Variants in ADAM12 observed in about 807,000 individuals in gnomAD.
ADAM12 encodes the protein ADAM metallopeptidase domain 12.
A neutral mutation model predicts 106.4 loss-of-function variants in ADAM12; 70 were observed. The observed-to-expected ratio is 0.66, with a 90% CI of 0.54 to 0.80. The LOEUF is 0.80. ADAM12 is among the 30% of genes least tolerant of loss of function. ADAM12 has a pLI of 0.00. For missense variants in ADAM12, 1,010 were observed against 1,171.9 expected, an observed-to-expected ratio of 0.86 and a Z score of 2.02; for synonymous variants, 420 against 433.5, an observed-to-expected ratio of 0.97 and a Z score of 0.39.
chr10:126,039,426 T>TTATC lies in ADAM12; in HGVS notation c.2105-1_2107dup (p.Asn703ArgfsTer2). 1 of 1,614,004 alleles carries TTATC rather than the reference T, an allele frequency of 6.2e-7. No homozygotes were observed. Among genetic ancestry groups the TTATC allele is most frequent in the Non-Finnish European group, 8.5e-7 (1 of 1,179,950 alleles). Reference sequence around the variant, plus strand: ...CAGAATTCCTATGGTTAAACCTTGGTTATCTGAAACAAAACACATGGGGCT... The same window carrying TTATC: ...CAGAATTCCTATGGTTAAACCTTGGTTATCTATCTGAAACAAAACACATGGGGCT... On this transcript the variant is annotated stop_gained and frameshift_variant, in exon 19 of 23. Transcript: ENST00000448723. LOFTEE classifies it high-confidence loss of function.
intron 3 of ADAM12, among the ~76,000 whole-genome samples, chr10:126,176,624 A>T (rs1957224485): frequency 6.6e-6 from 1 of 152,354 alleles, no homozygotes; most frequent in South Asian, 2.1e-4. Flanking sequence ...ACAGAGTAAT[A>T]CAATTCTTTT....
In ADAM12 at chr10:126,165,324, C is replaced by G. The variant is rs115336258; in HGVS notation, c.261-10019G>C. Among the ~76,000 whole-genome samples, 568 of 152,278 alleles carry G rather than the reference C, an allele frequency of 3.7e-3. 4 individuals carry two copies. Among genetic ancestry groups the G allele is most frequent in the African/African-American group, 0.012 (517 of 41,566 alleles). ...CTGGGATTACAGGCACACACCATTA[C>G]GCCTGGTTAATTTTCCGTAGTTTTA... On this transcript the variant is annotated intron_variant, in intron 3 of 22. Coordinates refer to ENST00000448723, the MANE Select transcript of ADAM12 (RefSeq NM_001288973.2).
At chr10:126,131,099 G>GTTTTTT (rs1956295367) in intron 5 of ADAM12, among the ~76,000 whole-genome samples, 1 of 113,352 alleles carries the variant, frequency 8.8e-6, no homozygotes, top group African/African-American at 3.8e-5. Flanking sequence ...GCTCTCAGCT[G>GTTTTTT]TCTTCTTTTT....
chr10:126,206,863 G>GGT (rs1554986907), intron 3 of ADAM12, among the ~76,000 whole-genome samples: 1 of 147,926 alleles, frequency 6.8e-6, no homozygotes. Flanking sequence ...GTGGGGGCGG[G>GGT]GGGGAGCCAG....
At chr10:126,085,219 G>A (rs1307315844) in intron 11 of ADAM12, among the ~76,000 whole-genome samples, 1 of 152,078 alleles carries the variant, frequency 6.6e-6, no homozygotes, top group South Asian at 2.1e-4. Flanking sequence ...GGTTTTCTCT[G>A]CTCTATTTTG....
chr10:126,338,341 C>T (rs1393521561), intron 1 of ADAM12, among the ~76,000 whole-genome samples: 4 of 148,884 alleles, frequency 2.7e-5, no homozygotes, highest in Non-Finnish European at 6.0e-5. Flanking sequence ...CAAGCTCCGC[C>T]TCCCGGGTTC....
chr10:126,189,691 T>C (rs1047181064), intron 3 of ADAM12, among the ~76,000 whole-genome samples: 2 of 152,108 alleles, frequency 1.3e-5, no homozygotes, highest in African/African-American at 4.8e-5. Flanking sequence ...GAGCTGGCAC[T>C]CAGGGGCACC....
At chr10:126,262,852 A>T (rs12768219) in intron 3 of ADAM12, among the ~76,000 whole-genome samples, 74,900 of 152,006 alleles carry the variant, frequency 0.49, 18,658 homozygotes, top group South Asian at 0.63. Flanking sequence ...CCTGCCTCCA[A>T]CCCACAGGTG....
At chr10:126,250,453 A>G (rs1263643034) in intron 3 of ADAM12, among the ~76,000 whole-genome samples, 1 of 152,166 alleles carries the variant, frequency 6.6e-6, no homozygotes, top group African/African-American at 2.4e-5. Context: ...TTAGGCAGGG[A>G]ATATTCTGAC....
At chr10:126,190,360 C>T (rs1486532487) in intron 3 of ADAM12, among the ~76,000 whole-genome samples, 1 of 152,100 alleles carries the variant, frequency 6.6e-6, no homozygotes, top group Non-Finnish European at 1.5e-5. Flanking sequence ...TCTTGCACCA[C>T]CACACCTGGC....
At chr10:126,314,144 C>T (rs1444484015) in intron 2 of ADAM12, among the ~76,000 whole-genome samples, 3 of 152,128 alleles carry the variant, frequency 2.0e-5, no homozygotes, top group Non-Finnish European at 2.9e-5. Flanking sequence ...GCATCACCAC[C>T]GACCTGAGCA....
chr10:126,065,449 C>T (rs1954847638), intron 13 of ADAM12, among the ~76,000 whole-genome samples: 3 of 152,148 alleles, frequency 2.0e-5, no homozygotes, highest in Admixed American at 2.0e-4. Flanking sequence ...ACTTTAAGGT[C>T]ACAATCACGA....
chr10:126,332,608 C>G (rs912476422), intron 1 of ADAM12, among the ~76,000 whole-genome samples: 8 of 152,160 alleles, frequency 5.3e-5, no homozygotes, highest in African/African-American at 1.9e-4. Context: ...GGAAAGCCCC[C>G]CTTTTTTGTT....
intron 2 of ADAM12, among the ~76,000 whole-genome samples, chr10:126,297,835 C>T (rs1046551290): frequency 2.0e-5 from 3 of 152,140 alleles, no homozygotes; most frequent in Non-Finnish European, 4.4e-5. Flanking sequence ...AACTGTCCCA[C>T]TCAAGGAATC....
chr10:126,334,996 T>C (rs1854648315), intron 1 of ADAM12, among the ~76,000 whole-genome samples: 1 of 152,212 alleles, frequency 6.6e-6, no homozygotes, highest in African/African-American at 2.4e-5. Flanking sequence ...AAGATTCTCA[T>C]GAGGTTAAGG....
chr10:126,145,059 G>A (rs946456949), intron 4 of ADAM12, among the ~76,000 whole-genome samples: 2 of 152,196 alleles, frequency 1.3e-5, no homozygotes, highest in Non-Finnish European at 1.5e-5. Flanking sequence ...CTCTGGGAAC[G>A]TGGGTTTGCC....
intron 3 of ADAM12, among the ~76,000 whole-genome samples, chr10:126,170,970 C>G (rs571251520): frequency 2.0e-5 from 3 of 152,326 alleles, no homozygotes; most frequent in South Asian, 2.1e-4. Flanking sequence ...ATGTCAGTGA[C>G]AGTGGGCCAT....
chr10:126,217,630 G>C (rs1325187313), intron 3 of ADAM12, among the ~76,000 whole-genome samples: 1 of 148,676 alleles, frequency 6.7e-6, no homozygotes, highest in Non-Finnish European at 1.5e-5. Context: ...GCCTCCCAAA[G>C]TGCTGGGATT....
intron 3 of ADAM12, among the ~76,000 whole-genome samples, chr10:126,230,027 T>A (rs1033072561): frequency 6.6e-6 from 1 of 152,152 alleles, no homozygotes; most frequent in Non-Finnish European, 1.5e-5. Context: ...GCCCTTTATA[T>A]GTGGCTAATT....
Sources: gnomAD v4.1 joint callset for allele counts (sites outside exome capture counted in the v4.1 genomes callset) on GRCh38, gnomAD v4.1.1 for gene constraint, MANE v1.5 for transcripts, NCBI Gene and HGNC (gene_info 2026-07-23, HGNC 2026-07-21) for gene names.